The following CDK11A variants were observed in gnomAD, a reference collection of about 807,000 sequenced individuals.
The protein encoded by CDK11A is cyclin-dependent kinase 11A.
Under a neutral mutation model 83.6 loss-of-function variants are expected in CDK11A, and 55 were observed. The observed-to-expected ratio is 0.66, with a 90% CI of 0.53 to 0.82. The LOEUF (loss-of-function observed/expected upper bound fraction) is 0.82, where lower values mean the gene tolerates loss of function less well. Among genes scored for constraint, CDK11A ranks in the 40% least tolerant of loss-of-function variants. The pLI is 0.00. For missense variants in CDK11A, 564 were observed against 810.1 expected (o/e 0.70, Z 3.69); for synonymous variants, 247 against 302.7 (o/e 0.82, Z 1.91).
At position 1,716,397 on chromosome 1, in the gene CDK11A, C is replaced by T; in HGVS notation, c.437G>A (p.Trp146Ter). 2 of 1,609,092 alleles carry T rather than the reference C, an allele frequency of 1.2e-6. No individual in the cohort carries two copies. Among genetic ancestry groups the T allele is most frequent in the Non-Finnish European group, 1.7e-6 (2 of 1,176,608 alleles). ...CATTTCCCTTCTCTTCTGTCTTTCC[C>T]ATTCCCGGCGAGCTTTATCCTGTTC... ...REEQDKARREWERQKRREMAR... is the reference protein window; with the variant it reads ...REEQDKARRE Residue 146 changes from tryptophan (W) to a stop codon, truncating the protein, a stop_gained, in exon 5 of 20, where the codon TGG becomes TAG. Transcript: ENST00000404249. LOFTEE classifies it high-confidence loss of function.
At chr1:1,719,242 G>C in intron 4 of CDK11A, 86 bp downstream of exon 4, 1 of 1,236,660 alleles carries the variant, frequency 8.1e-7, no homozygotes, top group South Asian at 1.6e-5. Context: ...TGGTTTTTCA[G>C]TGGTGCTCTG....
At chr1:1,715,494 G>A (rs1172982627) in intron 5 of CDK11A, among the ~76,000 whole-genome samples, 5 of 149,306 alleles carry the variant, frequency 3.3e-5, no homozygotes, top group Non-Finnish European at 6.0e-5. Context: ...ATACATGAAT[G>A]TTTCACACAC....
intron 1 of CDK11A, chr1:1,723,970 C>G (rs1053666161): frequency 1.4e-5 from 2 of 140,566 alleles, no homozygotes; most frequent in Non-Finnish European, 3.1e-5. Context: ...GGAGATGCTC[C>G]GAGATGTGCT....
Position 1,708,281 on chromosome 1 carries a change from C to T in CDK11A, c.1004-36G>A, listed in dbSNP as rs763373669. 42 of 1,429,192 alleles carry T rather than the reference C, an allele frequency of 2.9e-5. No individual in the cohort carries two copies. In the Admixed American group the frequency reaches 4.3e-4, roughly 15 times the overall value. The allele number at this position is 1,429,192 out of a possible 1,614,324, so 88.5% of individuals were successfully genotyped here. ...AAGGAGGCGTCTGCTCAGACCAGCA[C>T]CGGGGCGAGTGCTGCCACAGGCAGG... On this transcript the variant is annotated intron_variant, in intron 9 of 19. Transcript: ENST00000404249.
chr1:1,707,241 C>A (rs1307276670), intron 11 of CDK11A, among the ~76,000 whole-genome samples, 168 bp downstream of exon 11: 5 of 144,954 alleles, frequency 3.4e-5, no homozygotes, highest in Non-Finnish European at 7.5e-5. Context: ...AGAGGCGGGA[C>A]CTAGAAGCAT....
Position 1,719,367 on chromosome 1 carries a change from T to G in CDK11A, c.316A>C (p.Lys106Gln). ...KVHHRKDEKR[K>Q]EKCRHHSHSA... ...TGGCTATGATGCCTACATTTTTCTT[T>G]TCTCTTTTCATCTTTTCTGTGATGA... Residue 106 changes from lysine (K) to glutamine (Q), a missense_variant, in exon 4 of 20, where the codon AAA becomes CAA. By Grantham distance (53) the Lys-to-Gln change is moderately conservative. This residue lies in a region of CDK11A where 151 missense variants were observed against 147.4 expected (regional missense o/e 1.02). Coordinates refer to ENST00000404249, the MANE Select transcript of CDK11A (RefSeq NM_024011.4). 2 of 1,537,176 alleles carry G rather than the reference T, an allele frequency of 1.3e-6. No individual in the cohort carries two copies. The highest frequency in any genetic ancestry group is 1.7e-6 in the Non-Finnish European group (2 of 1,145,564).
intron 6 of CDK11A, among the ~76,000 whole-genome samples, chr1:1,710,593 C>T (rs1422936611): frequency 6.9e-6 from 1 of 144,548 alleles, no homozygotes; most frequent in Non-Finnish European, 1.5e-5. Context: ...AGAAACAGGA[C>T]AGTATGTCCC....
intron 10 of CDK11A, among the ~76,000 whole-genome samples, 198 bp from the exon 11 acceptor site, chr1:1,707,782 CT>C (rs1301950321): frequency 7.2e-6 from 1 of 138,550 alleles, no homozygotes; most frequent in East Asian, 2.1e-4. Context: ...AGCCCGGATG[CT>C]GAGCTGGGAG....
rs563254431 is a variant in CDK11A at position 1,718,796 on chromosome 1, C to T, written c.355+532G>A. 1.1e-3 allele frequency among the ~76,000 whole-genome samples: 162 copies of T among 150,852 alleles called. 2 individuals carry two copies. Among genetic ancestry groups the T allele is most frequent in the Non-Finnish European group, 1.8e-3 (125 of 67,584 alleles). The stretch of plus-strand genomic sequence containing the variant: ...GGACTACAGGTGCCCGCCACCACGC[C>T]CGGCTAATTTTTTGTATTTTTAGTA... On this transcript the variant is annotated intron_variant, in intron 4 of 19. Coordinates refer to ENST00000404249, the MANE Select transcript of CDK11A (RefSeq NM_024011.4).
intron 12 of CDK11A, 62 bp downstream of exon 12, chr1:1,705,580 C>G: frequency 4.2e-6 from 2 of 479,760 alleles, no homozygotes. Context: ...AGTCGCAGCT[C>G]TCGGGCAGCC....
chr1:1,703,661 G>C (rs1490698864), intron 17 of CDK11A, 37 bp from the exon 18 acceptor site: 1 of 1,575,894 alleles, frequency 6.3e-7, no homozygotes. Flanking sequence ...CACACCAAGT[G>C]GCCCACAGTG....
intron 11 of CDK11A, among the ~76,000 whole-genome samples, chr1:1,706,177 A>G (rs1247620979): frequency 6.7e-6 from 1 of 150,294 alleles, no homozygotes; most frequent in East Asian, 2.0e-4. Context: ...GGTTCAGGCG[A>G]TTCTCCTGCC....
chr1:1,706,840 C>A (rs1277876610), intron 11 of CDK11A, among the ~76,000 whole-genome samples: 1 of 150,266 alleles, frequency 6.7e-6, no homozygotes, highest in African/African-American at 2.5e-5. Flanking sequence ...TCTCCGCCCA[C>A]AGGCACCAAG....
At chr1:1,719,799 TAG>T in intron 3 of CDK11A, among the ~76,000 whole-genome samples, 1 of 150,682 alleles carries the variant, frequency 6.6e-6, no homozygotes, top group South Asian at 2.1e-4. Flanking sequence ...GTATTTTTAG[TAG>T]AGACGGGGTT....
rs1453281907 is a variant in CDK11A at position 1,704,022 on chromosome 1, A to G, written c.1794+17T>C. ...TGCATGGGGGACAGGGGAGGCACTC[A>G]GACGCCCAGGACTCACCTTGGCACC... is the stretch of plus-strand genomic sequence containing the variant. On this transcript the variant is annotated intron_variant, in intron 16 of 19. Transcript: ENST00000404249. 6.3e-7 allele frequency: 1 copy of G among 1,599,818 alleles called. No homozygotes were observed. Among genetic ancestry groups the G allele is most frequent in the South Asian group, 1.1e-5 (1 of 89,404 alleles).
Position 1,720,490 on chromosome 1 carries a change from C to A in CDK11A, c.228-1035G>T, listed in dbSNP as rs556702496. Among the ~76,000 whole-genome samples, 355 of 151,076 alleles carry A rather than the reference C, an allele frequency of 2.3e-3. 13 individuals are homozygous for A. In the Middle Eastern group the frequency reaches 0.045, roughly 19 times the overall value. ...CTCACTGCAACCTCTGCCTCCTGTC[C>A]CAGGTTCGAGCAATTCTCCTGCCTC... On this transcript the variant is annotated intron_variant, in intron 3 of 19. Transcript: ENST00000404249.
In CDK11A at chr1:1,719,423, G is replaced by A. The variant is rs1171761951; in HGVS notation, c.260C>T (p.Pro87Leu). 2.1e-5 allele frequency: 32 copies of A among 1,524,708 alleles called. 1 individual carries two copies. The highest frequency in any genetic ancestry group is 2.5e-5 in the Non-Finnish European group (28 of 1,138,972). The allele number at this position is 1,524,708 out of a possible 1,614,324, so 94.4% of individuals were successfully genotyped here. A position where few individuals can be genotyped will look rare whatever the true frequency, so the allele number is the denominator to read the frequency against. ...GEEDDSLAIK[P>L]PQQMSRKEKV... ...TTCTTTCCGAGACATTTGCTGGGGT[G>A]GTTTGATGGCCAAAGAATCATCTTC... Residue 87 changes from proline (P) to leucine (L), a missense_variant, in exon 4 of 20, where the codon CCA (proline) becomes CTA (leucine). This residue lies in a region of CDK11A where 151 missense variants were observed against 147.4 expected (regional missense o/e 1.02). Transcript: ENST00000404249.
intron 14 of CDK11A, 87 bp downstream of exon 14, chr1:1,704,463 G>C: frequency 7.8e-6 from 12 of 1,540,882 alleles, no homozygotes; most frequent in Non-Finnish European, 1.1e-5. Flanking sequence ...GGATGCAGCT[G>C]GCCCTCCCTG....
intron 4 of CDK11A, among the ~76,000 whole-genome samples, chr1:1,718,762 G>A (rs1386366804): frequency 1.3e-5 from 2 of 149,414 alleles, no homozygotes; most frequent in South Asian, 2.1e-4. Flanking sequence ...TCAGCCTCCA[G>A]AGCAGCTGGG....
Sources: allele counts gnomAD v4.1 joint callset (sites outside exome capture counted in the v4.1 genomes callset), GRCh38; gene constraint gnomAD v4.1.1; regional missense constraint gnomAD v4.1.1; transcripts MANE v1.5; gene names NCBI Gene and HGNC (gene_info 2026-07-23, HGNC 2026-07-21).